The following EBF2 variants were observed in gnomAD, a reference collection of about 807,000 sequenced individuals.
The protein encoded by EBF2 is transcription factor COE2.
Under a neutral mutation model 72.8 loss-of-function variants are expected in EBF2, and 21 were observed. That is an observed-to-expected ratio of 0.29 (90% CI 0.20 to 0.42). The LOEUF is 0.42. EBF2 is among the 10% of genes least tolerant of loss of function. EBF2 has a pLI of 1.00. For synonymous variants in EBF2, 299 were observed against 274.2 expected, an observed-to-expected ratio of 1.09 and a Z score of -0.89; for missense variants, 637 against 731.2, an observed-to-expected ratio of 0.87 and a Z score of 1.49.
intron 6 of EBF2, among the ~76,000 whole-genome samples, chr8:26,015,104 A>C (rs1805087435): frequency 6.6e-6 from 1 of 152,198 alleles, no homozygotes; most frequent in Non-Finnish European, 1.5e-5. Flanking sequence ...TGGACCCCCG[A>C]TAGAAACTTG....
At chr8:25,939,639 A>C (rs1258996339) in intron 6 of EBF2, among the ~76,000 whole-genome samples, 3 of 152,218 alleles carry the variant, frequency 2.0e-5, no homozygotes, top group Non-Finnish European at 4.4e-5. Context: ...GTTAAGAAAC[A>C]ACCTCAAACC....
chr8:25,900,776 A>C (rs1802937893), intron 7 of EBF2, among the ~76,000 whole-genome samples: 1 of 151,376 alleles, frequency 6.6e-6, no homozygotes, highest in Admixed American at 6.6e-5. Flanking sequence ...CCTAAAACTT[A>C]AAGTATAATA....
chr8:25,850,051 G>A (rs775700633), intron 15 of EBF2, among the ~76,000 whole-genome samples: 3 of 152,088 alleles, frequency 2.0e-5, no homozygotes, highest in Non-Finnish European at 4.4e-5. Flanking sequence ...TATTAACCAT[G>A]GTTAATTCCA....
intron 10 of EBF2, among the ~76,000 whole-genome samples, chr8:25,870,241 C>T (rs1383750338): frequency 6.6e-6 from 1 of 151,902 alleles, no homozygotes; most frequent in African/African-American, 2.4e-5. Context: ...TTCATCATTG[C>T]CTAATTTTTT....
chr8:25,966,986 T>C (rs1804125449), intron 6 of EBF2, among the ~76,000 whole-genome samples: 1 of 152,100 alleles, frequency 6.6e-6, no homozygotes, highest in Admixed American at 6.6e-5. Flanking sequence ...ATGTCAACAA[T>C]GCATAGAAGT....
intron 6 of EBF2, chr8:26,031,851 T>C (rs1563214181): frequency 1.3e-5 from 2 of 152,198 alleles, no homozygotes; most frequent in Non-Finnish European, 2.9e-5. Context: ...GGAAAATGAC[T>C]GACTCCAAAG....
chr8:26,000,002 TG>T, intron 6 of EBF2, among the ~76,000 whole-genome samples: 1 of 152,270 alleles, frequency 6.6e-6, no homozygotes, highest in East Asian at 1.9e-4. Context: ...CTGACTACCC[TG>T]GCAGAAAACT....
At chr8:25,913,834 A>C (rs1484103634) in intron 6 of EBF2, among the ~76,000 whole-genome samples, 1 of 152,242 alleles carries the variant, frequency 6.6e-6, no homozygotes, top group Non-Finnish European at 1.5e-5. Flanking sequence ...ATTTTGCAGA[A>C]GACACTTTCT....
rs1024496897 is a variant in EBF2, at chr8:26,026,350, G to A, written c.551+6735C>T. ...AGCATACCTGACCCCCAAACTTGAG[G>A]CCTCAGCAAGAATCAGAGAAAGTAG... On this transcript the variant is annotated intron_variant, in intron 6 of 15. Transcript: ENST00000520164. Among the ~76,000 whole-genome samples the A allele has an allele frequency of 3.9e-5, 6 of 152,254 alleles. No individual in the cohort carries two copies. In the East Asian group the frequency reaches 5.8e-4, roughly 15 times the overall value.
At chr8:25,956,098 G>A (rs1054384084) in intron 6 of EBF2, among the ~76,000 whole-genome samples, 1 of 151,804 alleles carries the variant, frequency 6.6e-6, no homozygotes, top group African/African-American at 2.4e-5. Context: ...GCACAGGGAT[G>A]GGGAGGGAGA....
chr8:26,020,780 A>G (rs1805192412), intron 6 of EBF2, among the ~76,000 whole-genome samples: 1 of 152,132 alleles, frequency 6.6e-6, no homozygotes, highest in African/African-American at 2.4e-5. Flanking sequence ...AGTTCTCTAC[A>G]TTATCCAGAT....
intron 6 of EBF2, among the ~76,000 whole-genome samples, chr8:25,995,009 T>A (rs915472587): frequency 3.3e-5 from 5 of 152,290 alleles, no homozygotes; most frequent in African/African-American, 1.2e-4. Context: ...AAATTTTTTT[T>A]AAAGAAGATA....
At chr8:25,942,419 C>T (rs541658015) in intron 6 of EBF2, among the ~76,000 whole-genome samples, 2 of 152,326 alleles carry the variant, frequency 1.3e-5, no homozygotes, top group East Asian at 1.9e-4. Flanking sequence ...TTTTCCTTCT[C>T]CCTTTGCTGT....
At position 25,861,293 on chromosome 8, in the gene EBF2, G is replaced by C. The variant is rs377475250; in HGVS notation, c.1164+16C>G. 6.4e-5 allele frequency: 104 copies of C among 1,614,014 alleles called. No homozygotes were observed. The highest frequency in any genetic ancestry group is 8.0e-5 in the Non-Finnish European group (94 of 1,180,008). On this transcript the variant is annotated intron_variant, in intron 12 of 15. Coordinates refer to ENST00000520164, the MANE Select transcript of EBF2 (RefSeq NM_022659.4). ...AAGTGCAAAACTCAATAAAGGATAGGATGTCAGTATCTCACCTGGTTATTG... is the reference window on the plus strand; with the variant it reads ...AAGTGCAAAACTCAATAAAGGATAGCATGTCAGTATCTCACCTGGTTATTG...
intron 10 of EBF2, among the ~76,000 whole-genome samples, chr8:25,864,498 A>G (rs1013953297): frequency 3.4e-5 from 4 of 117,652 alleles, no homozygotes; most frequent in African/African-American, 1.6e-4. Context: ...GTAGATACAC[A>G]CAAACACACA....
At chr8:25,909,882 G>A (rs1039109711) in intron 6 of EBF2, among the ~76,000 whole-genome samples, 1 of 152,114 alleles carries the variant, frequency 6.6e-6, no homozygotes, top group African/African-American at 2.4e-5. Flanking sequence ...CATGAATAAG[G>A]TTGAGTGTGA....
chr8:25,863,551 T>C (rs1374732515), intron 10 of EBF2, among the ~76,000 whole-genome samples: 5 of 152,220 alleles, frequency 3.3e-5, no homozygotes, highest in African/African-American at 1.2e-4. Flanking sequence ...CTTTCATTTA[T>C]TCTTTAAAAG....
At chr8:25,889,111 AG>A (rs1231418169) in intron 8 of EBF2, among the ~76,000 whole-genome samples, 5 of 152,174 alleles carry the variant, frequency 3.3e-5, no homozygotes, top group African/African-American at 1.2e-4. Context: ...ATAGTAGCCT[AG>A]TTTGACCAAC....
At chr8:25,983,671 T>A (rs986098225) in intron 6 of EBF2, among the ~76,000 whole-genome samples, 2 of 152,154 alleles carry the variant, frequency 1.3e-5, no homozygotes, top group Non-Finnish European at 2.9e-5. Context: ...GGCCCCAGCT[T>A]CCTCAGCACA....
Sources: gnomAD v4.1 joint callset for allele counts (sites outside exome capture counted in the v4.1 genomes callset) on GRCh38, gnomAD v4.1.1 for gene constraint, MANE v1.5 for transcripts, NCBI Gene and HGNC (gene_info 2026-07-23, HGNC 2026-07-21) for gene names.